Variants in CPNE4 observed in about 807,000 individuals in gnomAD.
CPNE4 encodes the protein copine 4.
A neutral mutation model predicts 67.9 loss-of-function variants in CPNE4; 25 were observed. The observed-to-expected ratio is 0.37, with a 90% CI of 0.27 to 0.51. The LOEUF is 0.51. Ranked by LOEUF, CPNE4 falls within the 20% of genes least tolerant of loss-of-function variation. CPNE4 has a pLI of 0.93. For missense variants in CPNE4, 464 were observed against 690.8 expected, an observed-to-expected ratio of 0.67 and a Z score of 3.68; for synonymous variants, 242 against 244.9, an observed-to-expected ratio of 0.99 and a Z score of 0.11.
At chr3:131,722,211 C>A (rs1357976305) in intron 3 of CPNE4, among the ~76,000 whole-genome samples, 1 of 152,108 alleles carries the variant, frequency 6.6e-6, no homozygotes, top group African/African-American at 2.4e-5. Context: ...CTCTTCCTGA[C>A]AAATCCTTAA....
At chr3:131,681,233 A>G (rs1026680188) in intron 6 of CPNE4, among the ~76,000 whole-genome samples, 1 of 152,224 alleles carries the variant, frequency 6.6e-6, no homozygotes, top group African/African-American at 2.4e-5. Context: ...TGCTATTACC[A>G]GTGAGTTTTG....
At chr3:131,667,556 C>T (rs896366200) in intron 7 of CPNE4, among the ~76,000 whole-genome samples, 37 of 152,038 alleles carry the variant, frequency 2.4e-4, no homozygotes, top group African/African-American at 8.7e-4. Context: ...AAAATCCAAA[C>T]GTCAATAGTG....
At chr3:131,547,495 AAAAAAAC>A (rs1935934384) in intron 14 of CPNE4, among the ~76,000 whole-genome samples, 8 of 102,862 alleles carry the variant, frequency 7.8e-5, no homozygotes, top group Non-Finnish European at 1.4e-4. Flanking sequence ...AAAAAAAAAA[AAAAAAAC>A]CTAATAGTGT....
At chr3:131,731,273 C>G (rs1405911162) in intron 2 of CPNE4, among the ~76,000 whole-genome samples, 1 of 152,226 alleles carries the variant, frequency 6.6e-6, no homozygotes, top group Non-Finnish European at 1.5e-5. Flanking sequence ...TTATGCTATT[C>G]AAAGCAGACA....
intron 1 of CPNE4, among the ~76,000 whole-genome samples, chr3:131,943,670 C>G (rs1248341428): frequency 6.6e-6 from 1 of 152,084 alleles, no homozygotes; most frequent in Non-Finnish European, 1.5e-5. Context: ...AGCCTCTAGT[C>G]CTTCTCCTGC....
intron 1 of CPNE4, among the ~76,000 whole-genome samples, chr3:132,014,994 T>C (rs2073857260): frequency 6.6e-6 from 1 of 152,196 alleles, no homozygotes. Context: ...TCCAATGAAA[T>C]ATGGAACAAA....
intron 1 of CPNE4, among the ~76,000 whole-genome samples, chr3:131,920,738 A>G (rs373127699): frequency 2.6e-5 from 4 of 152,286 alleles, no homozygotes; most frequent in East Asian, 1.9e-4. Flanking sequence ...AATATGATCT[A>G]TGGTGTCATC....
chr3:131,754,053 G>A (rs975824023), intron 2 of CPNE4, among the ~76,000 whole-genome samples: 2 of 152,084 alleles, frequency 1.3e-5, no homozygotes, highest in African/African-American at 2.4e-5. Flanking sequence ...AAGAGCATAG[G>A]CAGGAGAATA....
intron 2 of CPNE4, among the ~76,000 whole-genome samples, chr3:131,752,968 A>G (rs1191981184): frequency 6.6e-6 from 1 of 151,984 alleles, no homozygotes. Context: ...AATGCCGGTG[A>G]GGAGAAATTT....
intron 11 of CPNE4, among the ~76,000 whole-genome samples, chr3:131,558,586 C>G (rs1364662655): frequency 6.6e-6 from 1 of 151,854 alleles, no homozygotes; most frequent in African/African-American, 2.4e-5. Flanking sequence ...GCTGTCCTGA[C>G]CTTCTTAGGG....
In CPNE4 at chr3:131,535,022, C is replaced by T. The variant is rs1248990374; in HGVS notation, c.*173G>A. ...ATACAAGGGCTTAACAGATCCAGGC[C>T]TCAGGGCTACACATGCAAAAAAAAT... On this transcript the variant is annotated 3_prime_UTR_variant, in exon 16 of 16. Coordinates refer to ENST00000429747, the MANE Select transcript of CPNE4 (RefSeq NM_130808.3). 1.7e-5 allele frequency: 9 copies of T among 527,792 alleles called. No individual in the cohort carries two copies. Among genetic ancestry groups the T allele is most frequent in the Admixed American group, 4.0e-5 (1 of 24,894 alleles). 32.7% of individuals were successfully genotyped at this position (527,792 alleles called of 1,614,324 possible).
chr3:131,953,199 C>T (rs2107895526), intron 1 of CPNE4, among the ~76,000 whole-genome samples: 1 of 144,522 alleles, frequency 6.9e-6, no homozygotes, highest in Admixed American at 7.1e-5. Context: ...TATGACCCTG[C>T]CAAATCCCCC....
chr3:131,961,015 G>T (rs1379188970), intron 1 of CPNE4, among the ~76,000 whole-genome samples: 2 of 152,152 alleles, frequency 1.3e-5, no homozygotes, highest in Admixed American at 6.5e-5. Context: ...AACTCAGAGA[G>T]ATGTCACAAG....
chr3:131,867,836 T>C (rs1345780609), intron 2 of CPNE4, among the ~76,000 whole-genome samples: 1 of 152,120 alleles, frequency 6.6e-6, no homozygotes, highest in Non-Finnish European at 1.5e-5. Flanking sequence ...ATCTCTCTCT[T>C]GGTCCTCTTC....
At chr3:131,813,999 G>A (rs1010423041) in intron 2 of CPNE4, among the ~76,000 whole-genome samples, 9 of 152,114 alleles carry the variant, frequency 5.9e-5, no homozygotes, top group African/African-American at 1.7e-4. Flanking sequence ...CAAGGGTCTA[G>A]GTAAAGGCAT....
chr3:131,812,826 A>G (rs1360733905), intron 2 of CPNE4, among the ~76,000 whole-genome samples: 1 of 152,178 alleles, frequency 6.6e-6, no homozygotes, highest in African/African-American at 2.4e-5. Context: ...GAGAATATTT[A>G]ATGTCTTCAC....
intron 7 of CPNE4, among the ~76,000 whole-genome samples, chr3:131,608,288 A>G (rs1939623343): frequency 6.6e-6 from 1 of 152,146 alleles, no homozygotes; most frequent in Non-Finnish European, 1.5e-5. Flanking sequence ...CAACTACACA[A>G]TTTAATAAGT....
chr3:131,717,847 T>TCGC (rs2081740572), intron 3 of CPNE4, among the ~76,000 whole-genome samples: 4 of 117,928 alleles, frequency 3.4e-5, no homozygotes, highest in African/African-American at 1.0e-4. Flanking sequence ...CCTTCCTTCC[T>TCGC]TCCTCGCTCC....
chr3:131,615,522 A>G (rs1270593730), intron 7 of CPNE4, among the ~76,000 whole-genome samples: 1 of 152,196 alleles, frequency 6.6e-6, no homozygotes, highest in East Asian at 1.9e-4. Flanking sequence ...TAATTGAAGA[A>G]CCCTTAGTCA....
Sources: allele counts gnomAD v4.1 joint callset (sites outside exome capture counted in the v4.1 genomes callset), GRCh38; gene constraint gnomAD v4.1.1; transcripts MANE v1.5; gene names NCBI Gene and HGNC (gene_info 2026-07-23, HGNC 2026-07-21).